The following ZNF277 variants were observed in gnomAD, a reference collection of about 807,000 sequenced individuals.
ZNF277 encodes nuclear receptor-interacting factor 4.
ZNF277 carries 55 observed loss-of-function variants against 60.7 expected under a neutral mutation model. The observed-to-expected ratio is 0.91, with a 90% CI of 0.73 to 1.13. ZNF277 has a LOEUF of 1.13. Among genes scored for constraint, ZNF277 ranks in the 50% most tolerant of loss-of-function variants. ZNF277 has a pLI of 0.00. For synonymous variants in ZNF277, 178 were observed against 179.3 expected, an observed-to-expected ratio of 0.99 and a Z score of 0.06; for missense variants, 510 against 523.0, an observed-to-expected ratio of 0.98 and a Z score of 0.24.
intron 1 of ZNF277, among the ~76,000 whole-genome samples, chr7:112,221,265 T>C (rs962857802): frequency 5.3e-5 from 8 of 152,144 alleles, no homozygotes; most frequent in African/African-American, 1.9e-4. Flanking sequence ...CGGCTTCTAA[T>C]AGAGCTGTAA....
chr7:112,286,546 C>A (rs890046075), intron 1 of ZNF277, among the ~76,000 whole-genome samples: 1 of 152,138 alleles, frequency 6.6e-6, no homozygotes, highest in African/African-American at 2.4e-5. Flanking sequence ...CAGCCTTCCC[C>A]CTTGCAAGTA....
chr7:112,340,493 A>G (rs1336083270), intron 10 of ZNF277, among the ~76,000 whole-genome samples: 1 of 152,208 alleles, frequency 6.6e-6, no homozygotes, highest in Non-Finnish European at 1.5e-5. Context: ...TGGATGTGTT[A>G]CTTTGCTGCT....
At chr7:112,295,127 A>G (rs1045111686) in intron 2 of ZNF277, among the ~76,000 whole-genome samples, 5 of 152,104 alleles carry the variant, frequency 3.3e-5, no homozygotes, top group African/African-American at 9.7e-5. Context: ...TCTTCTTGGT[A>G]CCATTCAATA....
intron 8 of ZNF277, among the ~76,000 whole-genome samples, chr7:112,337,433 T>C (rs879633732): frequency 2.6e-5 from 4 of 152,186 alleles, no homozygotes; most frequent in Non-Finnish European, 4.4e-5. Context: ...TTAAACCTCA[T>C]TGTCTCAGGA....
chr7:112,311,596 T>G (rs1792734541), intron 4 of ZNF277, among the ~76,000 whole-genome samples: 1 of 152,012 alleles, frequency 6.6e-6, no homozygotes, highest in African/African-American at 2.4e-5. Flanking sequence ...TTGCACATCT[T>G]TGTGGTGCTT....
chr7:112,209,667 T>G (rs1821684179), intron 1 of ZNF277, among the ~76,000 whole-genome samples: 1 of 152,204 alleles, frequency 6.6e-6, no homozygotes, highest in South Asian at 2.1e-4. Flanking sequence ...CTTAATAACC[T>G]ATGTATCATT....
chr7:112,292,015 A>AACCTATT (rs1292652500), intron 2 of ZNF277, among the ~76,000 whole-genome samples: 1 of 152,176 alleles, frequency 6.6e-6, no homozygotes, highest in Non-Finnish European at 1.5e-5. Context: ...CTCTTGGACC[A>AACCTATT]ACCTATTACC....
At chr7:112,334,461 A>G (rs11763588) in intron 7 of ZNF277, among the ~76,000 whole-genome samples, 21,898 of 142,000 alleles carry the variant, frequency 0.15, 1,686 homozygotes, top group Middle Eastern at 0.17. Flanking sequence ...CTTTAACTGT[A>G]CCAAATCAGA....
Position 112,342,543 on chromosome 7 carries a change from A to G in ZNF277, c.1185-18A>G, listed in dbSNP as rs752039371. 3 of 1,592,662 alleles carry G rather than the reference A, an allele frequency of 1.9e-6. No individual in the cohort carries two copies. In the African/African-American group the frequency reaches 4.0e-5, roughly 21 times the overall value. ...TTAGCTTGGTAATTTAATACTATGT[A>G]TCTGTGGTTGTTTTCAGGTATTATT... On this transcript the variant is annotated intron_variant, in intron 11 of 11. Transcript: ENST00000361822.
intron 1 of ZNF277, among the ~76,000 whole-genome samples, chr7:112,234,843 A>G (rs1342375657): frequency 1.3e-5 from 2 of 151,936 alleles, no homozygotes; most frequent in Non-Finnish European, 2.9e-5. Context: ...TTGTAAGGAA[A>G]GCTGAGCATC....
intron 7 of ZNF277, among the ~76,000 whole-genome samples, chr7:112,335,865 A>T (rs1396632721): frequency 1.3e-5 from 2 of 152,166 alleles, no homozygotes; most frequent in Non-Finnish European, 2.9e-5. Flanking sequence ...TCTCTAAAAA[A>T]TTATCTCATT....
intron 7 of ZNF277, among the ~76,000 whole-genome samples, chr7:112,332,828 G>T (rs1169380786): frequency 6.6e-6 from 1 of 152,156 alleles, no homozygotes; most frequent in Non-Finnish European, 1.5e-5. Context: ...AAGCCTATTG[G>T]CTTCACTAAA....
intron 1 of ZNF277, among the ~76,000 whole-genome samples, chr7:112,227,692 C>T (rs1003706807): frequency 6.6e-6 from 1 of 152,026 alleles, no homozygotes; most frequent in East Asian, 1.9e-4. Context: ...TATTGTAACC[C>T]TCATTATAAA....
Position 112,330,039 on chromosome 7 carries a change from A to C in ZNF277, c.669-45A>C, listed in dbSNP as rs374556029. The C allele has an allele frequency of 9.6e-6, 15 of 1,568,190 alleles. No homozygotes were observed. The African/African-American group carries it at 2.1e-4, about 22-fold the overall frequency. ...ATAATAATAAAGGATTATTGCAGCA[A>C]CTATACAAGAGACTTGTTTATCAGT... On this transcript the variant is annotated intron_variant, in intron 6 of 11. Transcript: ENST00000361822.
chr7:112,211,051 G>A (rs535702333), intron 1 of ZNF277, among the ~76,000 whole-genome samples: 5 of 152,122 alleles, frequency 3.3e-5, no homozygotes, highest in South Asian at 2.1e-4. Context: ...TTTTCCCTCC[G>A]AATGGGTGTT....
At chr7:112,246,185 A>G (rs1456470146) in intron 1 of ZNF277, among the ~76,000 whole-genome samples, 1 of 151,950 alleles carries the variant, frequency 6.6e-6, no homozygotes, top group African/African-American at 2.4e-5. Context: ...GGAGTTTGAG[A>G]CCAGCCCGGG....
intron 1 of ZNF277, among the ~76,000 whole-genome samples, chr7:112,228,950 G>A (rs988147426): frequency 2.0e-5 from 3 of 152,128 alleles, no homozygotes; most frequent in Non-Finnish European, 4.4e-5. Context: ...TTTTGGTGAG[G>A]TATGAAGTGT....
chr7:112,224,240 G>A (rs1354881888), intron 1 of ZNF277, among the ~76,000 whole-genome samples: 1 of 152,334 alleles, frequency 6.6e-6, no homozygotes, highest in East Asian at 1.9e-4. Flanking sequence ...ATTGGAAGAA[G>A]AATTGTCTTG....
rs193220172 is a variant in ZNF277 at position 112,270,291 on chromosome 7, G to T, written c.92-16582G>T. Among the ~76,000 whole-genome samples, 42 of 151,912 alleles carry T rather than the reference G, an allele frequency of 2.8e-4. 1 individual carries two copies. Among genetic ancestry groups the T allele is most frequent in the Non-Finnish European group, 5.2e-4 (35 of 67,940 alleles). ...CATCAAAATTAAATATCTAACCCTG[G>T]GTATAGACCTCTGTCAGTCAGGTGT... On this transcript the variant is annotated intron_variant, in intron 1 of 11. Coordinates refer to ENST00000361822, the MANE Select transcript of ZNF277 (RefSeq NM_021994.3).
Sources: allele counts gnomAD v4.1 joint callset (sites outside exome capture counted in the v4.1 genomes callset), GRCh38; gene constraint gnomAD v4.1.1; transcripts MANE v1.5; gene names NCBI Gene and HGNC (gene_info 2026-07-23, HGNC 2026-07-21).